The following MYO3A variants were observed in gnomAD, a reference collection of about 807,000 sequenced individuals.
MYO3A encodes myosin IIIA.
MYO3A carries 180 observed loss-of-function variants against 192.7 expected under a neutral mutation model. That is an observed-to-expected ratio of 0.93 (90% CI 0.83 to 1.06). The LOEUF is 1.06. Among genes scored for constraint, MYO3A ranks in the 50% least tolerant of loss-of-function variants. The pLI is 0.00. For missense variants in MYO3A, 1,896 were observed against 1,905.0 expected, an observed-to-expected ratio of 1.00 and a Z score of 0.09; for synonymous variants, 628 against 645.3, an observed-to-expected ratio of 0.97 and a Z score of 0.41.
chr10:25,996,812 A>C (rs1011270327), intron 5 of MYO3A, among the ~76,000 whole-genome samples: 1 of 152,198 alleles, frequency 6.6e-6, no homozygotes, highest in African/African-American at 2.4e-5. Flanking sequence ...TGACCTCTTA[A>C]GTGTATTTCT....
chr10:25,995,785 C>T (rs1314747735), intron 4 of MYO3A, among the ~76,000 whole-genome samples: 1 of 152,226 alleles, frequency 6.6e-6, no homozygotes, highest in Non-Finnish European at 1.5e-5. Flanking sequence ...CCCTGTTTGC[C>T]TGGGTATCAG....
intron 10 of MYO3A, among the ~76,000 whole-genome samples, chr10:26,034,786 A>T (rs537278753): frequency 3.3e-5 from 5 of 152,046 alleles, no homozygotes; most frequent in African/African-American, 4.8e-5. Flanking sequence ...TTATGTATTT[A>T]ATAAGCTGTA....
chr10:26,135,633 T>C (rs1435095441), intron 20 of MYO3A, among the ~76,000 whole-genome samples: 1 of 151,838 alleles, frequency 6.6e-6, no homozygotes, highest in Non-Finnish European at 1.5e-5. Context: ...CAGACATGAT[T>C]TTAGGGTTGG....
chr10:26,151,995 G>T (rs1194899616), intron 23 of MYO3A, among the ~76,000 whole-genome samples: 2 of 152,162 alleles, frequency 1.3e-5, no homozygotes, highest in Non-Finnish European at 1.5e-5. Flanking sequence ...CATTAATTTT[G>T]ACTTTAACAA....
chr10:26,149,959 G>C (rs1307167093), intron 23 of MYO3A, among the ~76,000 whole-genome samples: 1 of 151,884 alleles, frequency 6.6e-6, no homozygotes, highest in Non-Finnish European at 1.5e-5. Context: ...ATTCCATCCA[G>C]TATTTGTCTT....
rs373469372 is a variant in MYO3A at position 26,126,806 on chromosome 10, CATATACTAA to C, written c.2114+1210_2114+1218del. Among the ~76,000 whole-genome samples, 1,342 of 152,268 alleles carry C rather than the reference CATATACTAA, an allele frequency of 8.8e-3. 28 individuals carry two copies. Among genetic ancestry groups the C allele is most frequent in the African/African-American group, 0.03 (1,259 of 41,540 alleles). ...CACTGTAGCCTATGTACTAAATGTA[CATATACTAA>C]ATATACTAAATGGCAACTTTCCTTT... On this transcript the variant is annotated intron_variant, in intron 19 of 34. Transcript: ENST00000642920.
chr10:26,117,414 A>G (rs1258456517), intron 17 of MYO3A, among the ~76,000 whole-genome samples: 1 of 152,166 alleles, frequency 6.6e-6, no homozygotes, highest in East Asian at 1.9e-4. Context: ...AGATTATTTC[A>G]TCACCCAGGT....
intron 20 of MYO3A, among the ~76,000 whole-genome samples, chr10:26,142,887 A>G (rs139497088): frequency 6.6e-6 from 1 of 152,342 alleles, no homozygotes; most frequent in East Asian, 1.9e-4. Context: ...CATTAACAAC[A>G]TATTTTCCTA....
intron 6 of MYO3A, among the ~76,000 whole-genome samples, chr10:26,009,038 C>G (rs1841435316): frequency 6.6e-6 from 1 of 151,990 alleles, no homozygotes; most frequent in Non-Finnish European, 1.5e-5. Flanking sequence ...CCATGGAATA[C>G]TATGCAGCCA....
intron 10 of MYO3A, among the ~76,000 whole-genome samples, chr10:26,058,689 T>C (rs1239670829): frequency 6.6e-6 from 1 of 152,232 alleles, no homozygotes; most frequent in Non-Finnish European, 1.5e-5. Flanking sequence ...CTATTCTGGA[T>C]CTTTTGACTT....
At chr10:26,014,070 TGTGA>T (rs1406062267) in intron 6 of MYO3A, among the ~76,000 whole-genome samples, 1 of 152,010 alleles carries the variant, frequency 6.6e-6, no homozygotes, top group Non-Finnish European at 1.5e-5. Flanking sequence ...GGAGCTAAGC[TGTGA>T]GTATGTATTA....
chr10:26,074,177 CTG>C (rs1835386830), intron 14 of MYO3A, among the ~76,000 whole-genome samples: 2 of 152,152 alleles, frequency 1.3e-5, no homozygotes, highest in East Asian at 3.9e-4. Flanking sequence ...TTTGCCAATT[CTG>C]TGATTATAGG....
chr10:25,976,427 C>A (rs1434715953), intron 4 of MYO3A, among the ~76,000 whole-genome samples: 3 of 152,006 alleles, frequency 2.0e-5, no homozygotes, highest in African/African-American at 7.2e-5. Context: ...AAACAAAAAA[C>A]AATTGAAAAA....
intron 2 of MYO3A, among the ~76,000 whole-genome samples, chr10:25,946,383 T>A (rs1262060325): frequency 7.4e-6 from 1 of 135,578 alleles, no homozygotes; most frequent in Non-Finnish European, 1.6e-5. Flanking sequence ...AGTTGACAGG[T>A]TTTTATCTTT....
intron 4 of MYO3A, among the ~76,000 whole-genome samples, chr10:25,960,082 TCTG>T (rs781159877): frequency 6.6e-6 from 1 of 152,140 alleles, no homozygotes; most frequent in African/African-American, 2.4e-5. Flanking sequence ...TGCTTGCTTA[TCTG>T]CTTTCCATAT....
At chr10:25,951,804 A>G (rs1444354616) in intron 2 of MYO3A, among the ~76,000 whole-genome samples, 1 of 152,220 alleles carries the variant, frequency 6.6e-6, no homozygotes, top group Non-Finnish European at 1.5e-5. Context: ...AGAAAATCAA[A>G]ATTATATAAA....
intron 10 of MYO3A, among the ~76,000 whole-genome samples, chr10:26,029,688 G>T: frequency 6.6e-6 from 1 of 151,342 alleles, no homozygotes. Context: ...TTTTCTTTTG[G>T]GGGAATGTAA....
At chr10:26,026,685 T>C (rs1842562900) in intron 10 of MYO3A, among the ~76,000 whole-genome samples, 153 bp downstream of exon 10, 1 of 152,226 alleles carries the variant, frequency 6.6e-6, no homozygotes, top group African/African-American at 2.4e-5. Context: ...CCTCTCAATA[T>C]TGGTAAAATT....
chr10:26,000,306 G>A (rs894777400), intron 6 of MYO3A, among the ~76,000 whole-genome samples: 2 of 152,148 alleles, frequency 1.3e-5, no homozygotes, highest in African/African-American at 4.8e-5. Context: ...CTTGTAACTT[G>A]GAAAATACTT....
Sources: gnomAD v4.1 joint callset for allele counts (sites outside exome capture counted in the v4.1 genomes callset) on GRCh38, gnomAD v4.1.1 for gene constraint, MANE v1.5 for transcripts, NCBI Gene and HGNC (gene_info 2026-07-23, HGNC 2026-07-21) for gene names.